The following MYH16 variants were observed in gnomAD, a reference collection of about 807,000 sequenced individuals.
MYH16 encodes the protein putative uncharacterized protein MYH16.
intron 21 of MYH16, among the ~76,000 whole-genome samples, chr7:99,278,384 C>T (rs965574522): frequency 2.6e-5 from 4 of 152,170 alleles, no homozygotes; most frequent in African/African-American, 9.7e-5. Flanking sequence ...CTCTGCCATA[C>T]AAACTTGGCA....
At chr7:99,288,683 G>A (rs868743068) in intron 29 of MYH16, among the ~76,000 whole-genome samples, 13 of 152,010 alleles carry the variant, frequency 8.6e-5, no homozygotes, top group African/African-American at 2.9e-4. Flanking sequence ...GCAAGACTCT[G>A]TCTCAAAAAT....
intron 1 of MYH16, among the ~76,000 whole-genome samples, chr7:99,241,629 T>C (rs1003503529): frequency 6.6e-6 from 1 of 152,046 alleles, no homozygotes; most frequent in African/African-American, 2.4e-5. Flanking sequence ...ACAGCTTGGT[T>C]TACTAAGGGC....
chr7:99,303,629 T>A (rs1416791764), intron 39 of MYH16, among the ~76,000 whole-genome samples: 1 of 152,156 alleles, frequency 6.6e-6, no homozygotes, highest in Non-Finnish European at 1.5e-5. Flanking sequence ...AGCAAGACCC[T>A]GTCTCTACTA....
chr7:99,250,246 T>A (rs1791794051), intron 5 of MYH16, among the ~76,000 whole-genome samples: 1 of 152,160 alleles, frequency 6.6e-6, no homozygotes, highest in South Asian at 2.1e-4. Flanking sequence ...AGAAGGTGGC[T>A]ATAGATCAAG....
intron 38 of MYH16, among the ~76,000 whole-genome samples, chr7:99,302,135 C>T (rs1205644547): frequency 6.6e-6 from 1 of 151,832 alleles, no homozygotes; most frequent in Non-Finnish European, 1.5e-5. Context: ...GAAACCCCGT[C>T]TCTACTAAAA....
chr7:99,285,129 C>T (rs1002974651), intron 26 of MYH16, among the ~76,000 whole-genome samples, 194 bp downstream of exon 8: 4 of 152,164 alleles, frequency 2.6e-5, no homozygotes, highest in Non-Finnish European at 5.9e-5. Context: ...AACTGCTCCC[C>T]GCCTGACCTC....
At chr7:99,274,305 T>C (rs1241951933) in intron 20 of MYH16, among the ~76,000 whole-genome samples, 1 of 152,040 alleles carries the variant, frequency 6.6e-6, no homozygotes, top group Non-Finnish European at 1.5e-5. Context: ...AAGAGGGACA[T>C]GTCTCTGGGC....
intron 33 of MYH16, among the ~76,000 whole-genome samples, chr7:99,296,126 AG>A (rs1226110423): frequency 6.7e-6 from 1 of 148,570 alleles, no homozygotes; most frequent in Non-Finnish European, 1.5e-5. Context: ...CCTGGGTGAC[AG>A]GGTGAGACTC....
rs747018344 is a variant in MYH16 at position 99,289,418 on chromosome 7, G to A, written n.3824+14G>A. On this transcript the variant is annotated intron_variant and non_coding_transcript_variant, in intron 30 of 41. Coordinates refer to ENST00000439784, the Ensembl canonical transcript of MYH16. Reference sequence around the variant, plus strand: ...CCCGCCTCCAAGGTGAGCCCTCTCCGCCCTGAGCTTGCTAAGGAGCAGTGC... The same window carrying A: ...CCCGCCTCCAAGGTGAGCCCTCTCCACCCTGAGCTTGCTAAGGAGCAGTGC... 2.8e-5 allele frequency: 11 copies of A among 397,804 alleles called. No individual in the cohort carries two copies. The highest frequency in any genetic ancestry group is 7.2e-5 in the South Asian group (4 of 55,750). 24.6% of individuals were successfully genotyped at this position (397,804 alleles called of 1,614,324 possible).
At chr7:99,292,284 C>T (rs1198196753) in intron 31 of MYH16, 28 bp from the exon 13 acceptor site, 6 of 450,562 alleles carry the variant, frequency 1.3e-5, no homozygotes, top group East Asian at 7.0e-5. Context: ...AAAGCCCCCA[C>T]GGGCGCCTGA....
chr7:99,256,723 G>A lies in MYH16; in HGVS notation n.997-579G>A, dbSNP rs138170871. On this transcript the variant is annotated intron_variant and non_coding_transcript_variant, in intron 9 of 41. Transcript: ENST00000439784. ...CCAAGAGGTGGAGGTTGCAGTGAGC[G>A]GAGATTGTGCCACTGCATTCCAGAC... Among the ~76,000 whole-genome samples, 1,140 of 152,254 alleles carry A rather than the reference G, an allele frequency of 7.5e-3. 12 individuals are homozygous for A. Among genetic ancestry groups the A allele is most frequent in the African/African-American group, 0.026 (1,072 of 41,540 alleles).
intron 18 of MYH16, among the ~76,000 whole-genome samples, chr7:99,269,899 A>C (rs1344549212): frequency 3.7e-5 from 4 of 108,420 alleles, no homozygotes; most frequent in Non-Finnish European, 5.2e-5. Flanking sequence ...TTTGAGACGG[A>C]GTCTCACTCT....
At chr7:99,240,050 AT>A (rs903723670) in intron 1 of MYH16, among the ~76,000 whole-genome samples, 6 of 151,736 alleles carry the variant, frequency 4.0e-5, no homozygotes, top group African/African-American at 7.3e-5. Context: ...TTTTATTAGA[AT>A]TTTTTTAATT....
intron 2 of MYH16, among the ~76,000 whole-genome samples, chr7:99,245,975 G>T (rs1432679428): frequency 6.6e-6 from 1 of 152,042 alleles, no homozygotes; most frequent in Non-Finnish European, 1.5e-5. Context: ...GCCAACGTGG[G>T]TGGATTGTTT....
intron 32 of MYH16, among the ~76,000 whole-genome samples, chr7:99,293,796 G>A (rs1257629071): frequency 3.3e-5 from 5 of 152,056 alleles, no homozygotes; most frequent in African/African-American, 1.2e-4. Context: ...CCTAACACCT[G>A]CAACAATCCT....
At chr7:99,259,445 CT>C (rs2150810788) in intron 11 of MYH16, among the ~76,000 whole-genome samples, 1 of 152,002 alleles carries the variant, frequency 6.6e-6, no homozygotes, top group African/African-American at 2.4e-5. Flanking sequence ...GAGACCTCAT[CT>C]TTTTTTATTT....
intron 26 of MYH16, 99 bp downstream of exon 8, chr7:99,285,034 A>C: frequency 2.3e-6 from 1 of 444,230 alleles, no homozygotes; most frequent in South Asian, 1.6e-5. Flanking sequence ...TTTCCTGAGG[A>C]GCAAGACTGC....
At chr7:99,260,022 A>G in intron 11 of MYH16, 1 of 577,976 alleles carries the variant, frequency 1.7e-6, no homozygotes, top group South Asian at 1.9e-5. Context: ...CTGAATGGCC[A>G]GTGTTAGGCA....
At chr7:99,289,222 G>A (rs1006017827) in intron 29 of MYH16, 65 bp from the exon 11 acceptor site, 1 of 231,240 alleles carries the variant, frequency 4.3e-6, no homozygotes, top group African/African-American at 2.3e-5. Context: ...AATCAAAGGG[G>A]AGGTAGGGAG....
Sources: gnomAD v4.1 joint callset for allele counts (sites outside exome capture counted in the v4.1 genomes callset) on GRCh38, gnomAD v4.1.1 for gene constraint, MANE v1.5 for transcripts, NCBI Gene and HGNC (gene_info 2026-07-23, HGNC 2026-07-21) for gene names.